CUX1: variants seen among roughly 807,000 people sequenced by gnomAD.
CUX1 encodes protein CASP.
In CUX1, 31 loss-of-function variants were observed where a neutral mutation model predicts 158.8. The ratio of observed to expected loss-of-function variants is 0.20; its 90% confidence interval spans 0.15 to 0.26. CUX1 has a LOEUF of 0.26. CUX1 is among the 10% of genes least tolerant of loss of function. CUX1 has a pLI of 1.00. For synonymous variants in CUX1, 879 were observed against 862.1 expected (o/e 1.02, Z -0.34); for missense variants, 1,589 against 2,014.6 (o/e 0.79, Z 4.04).
intron 8 of CUX1, among the ~76,000 whole-genome samples, chr7:102,140,936 G>C (rs971369433): frequency 4.0e-5 from 6 of 151,578 alleles, no homozygotes; most frequent in African/African-American, 1.5e-4. Flanking sequence ...ACTTCTTGTT[G>C]CAATTAACCT....
chr7:102,157,124 G>A (rs532721830), intron 8 of CUX1, among the ~76,000 whole-genome samples: 1 of 152,318 alleles, frequency 6.6e-6, no homozygotes, highest in Non-Finnish European at 1.5e-5. Context: ...AGAGCACAGG[G>A]TCCTGAGAAA....
Position 102,252,861 on chromosome 7 carries a change from C to T in CUX1, c.*3819C>T. 1 of 985,456 alleles carries T rather than the reference C, an allele frequency of 1.0e-6. No individual in the cohort carries two copies. The highest frequency in any genetic ancestry group is 1.2e-6 in the Non-Finnish European group (1 of 829,942). The allele number at this position is 985,456 out of a possible 1,614,324, so 61.0% of individuals were successfully genotyped here. On this transcript the variant is annotated 3_prime_UTR_variant, in exon 24 of 24. Transcript: ENST00000292535. ...CCATGGAGCTTAGCTCAATTGGATT[C>T]TTCTAGACGATCTTAGGAGGCATCT...
chr7:102,184,610 G>C (rs1793452023), intron 11 of CUX1, among the ~76,000 whole-genome samples: 1 of 152,178 alleles, frequency 6.6e-6, no homozygotes, highest in Non-Finnish European at 1.5e-5. Flanking sequence ...ACCTGTCTGT[G>C]TAAAGCCCAC....
intron 22 of CUX1, among the ~76,000 whole-genome samples, chr7:102,237,197 CAAGTT>C (rs1799662435): frequency 6.6e-6 from 1 of 152,200 alleles, no homozygotes; most frequent in South Asian, 2.1e-4. Flanking sequence ...GACAAAATGG[CAAGTT>C]AATTAAGGAA....
Position 101,903,186 on chromosome 7 carries a change from A to G in CUX1, c.31-12929A>G, listed in dbSNP as rs577433438. Among the ~76,000 whole-genome samples, 21 of 152,246 alleles carry G rather than the reference A, an allele frequency of 1.4e-4. 1 individual carries two copies. The South Asian group carries it at 3.9e-3, about 29-fold the overall frequency. On this transcript the variant is annotated intron_variant, in intron 1 of 23. Transcript: ENST00000292535. ...GGTCAGCAGCCGGCCAGACCTCAGT[A>G]GCCCCTCCCCATCCTGGTATGGGGG...
chr7:102,177,974 C>A (rs527386804), intron 10 of CUX1, among the ~76,000 whole-genome samples: 14 of 152,268 alleles, frequency 9.2e-5, no homozygotes, highest in African/African-American at 2.6e-4. Context: ...CTCAGCGCAA[C>A]CTTCTTCTCC....
At chr7:102,111,046 G>T (rs906139569) in intron 6 of CUX1, among the ~76,000 whole-genome samples, 7 of 151,814 alleles carry the variant, frequency 4.6e-5, no homozygotes, top group Non-Finnish European at 4.4e-5. Context: ...TTATTATTAT[G>T]AGAGCATATG....
intron 1 of CUX1, among the ~76,000 whole-genome samples, chr7:101,906,780 G>T (rs73403646): frequency 0.019 from 2,905 of 152,220 alleles, 92 homozygotes; most frequent in African/African-American, 0.065. Context: ...TGCGAGCCTA[G>T]GCCTGTATGG....
intron 1 of CUX1, among the ~76,000 whole-genome samples, chr7:101,891,714 G>C (rs185397432): frequency 6.6e-6 from 1 of 152,302 alleles, no homozygotes; most frequent in East Asian, 1.9e-4. Flanking sequence ...AATAGGGAAG[G>C]GTTCATGGAG....
At chr7:102,021,821 G>A (rs1298950137) in intron 2 of CUX1, among the ~76,000 whole-genome samples, 3 of 151,972 alleles carry the variant, frequency 2.0e-5, no homozygotes, top group Admixed American at 6.6e-5. Context: ...TCAGCCTCTC[G>A]AAGTGCTGGG....
At chr7:102,273,401 G>T in exon 15 of CUX1, 1 of 1,612,378 alleles carries the variant, frequency 6.2e-7, no homozygotes, top group South Asian at 1.1e-5. Flanking sequence ...TATCACTGAG[G>T]CTGTGGCCAC....
intron 10 of CUX1, among the ~76,000 whole-genome samples, chr7:102,172,962 G>A (rs148451786): frequency 4.8e-4 from 73 of 150,964 alleles, no homozygotes; most frequent in African/African-American, 1.6e-3. Flanking sequence ...TCAGGAGGCC[G>A]AGGCAGGAGA....
rs557879233 is a variant in CUX1 at position 101,877,904 on chromosome 7, T to C, written c.31-38211T>C. On this transcript the variant is annotated intron_variant, in intron 1 of 23. Coordinates refer to ENST00000292535, the MANE Select transcript of CUX1 (RefSeq NM_181552.4). ...TGGGTTGCTTCCTTGAAGAATGTTG[T>C]GCGTACACCGTTTGACACAGGTGCA... 2.6e-5 allele frequency among the ~76,000 whole-genome samples: 4 copies of C among 152,270 alleles called. No homozygotes were observed. In the East Asian group the frequency reaches 7.7e-4, roughly 29 times the overall value.
chr7:102,184,966 A>G (rs1793480199), intron 11 of CUX1, among the ~76,000 whole-genome samples: 1 of 152,164 alleles, frequency 6.6e-6, no homozygotes, highest in South Asian at 2.1e-4. Context: ...ATTTTTCAGG[A>G]AGATGACCAG....
chr7:101,956,658 T>C (rs1329494718), intron 2 of CUX1, among the ~76,000 whole-genome samples: 2 of 152,142 alleles, frequency 1.3e-5, no homozygotes, highest in Non-Finnish European at 2.9e-5. Flanking sequence ...GAAATACAGT[T>C]AAAGCCGCCT....
rs558138039 is a variant in CUX1 at position 101,880,303 on chromosome 7, G to A, written c.31-35812G>A. 7.2e-5 allele frequency among the ~76,000 whole-genome samples: 11 copies of A among 152,284 alleles called. No homozygotes were observed. The East Asian group carries it at 1.9e-3, about 27-fold the overall frequency. On this transcript the variant is annotated intron_variant, in intron 1 of 23. Coordinates refer to ENST00000292535, the MANE Select transcript of CUX1 (RefSeq NM_181552.4). Reference sequence around the variant, plus strand: ...CTCGTTGGCAATTTCGGAAGTTCACGTTCTTGAGACTCGGTGCCTTTGGAA... The same window carrying A: ...CTCGTTGGCAATTTCGGAAGTTCACATTCTTGAGACTCGGTGCCTTTGGAA...
At chr7:101,872,060 T>C (rs2131466093) in intron 1 of CUX1, among the ~76,000 whole-genome samples, 1 of 152,140 alleles carries the variant, frequency 6.6e-6, no homozygotes, top group African/African-American at 2.4e-5. Flanking sequence ...GCAGCGTGAT[T>C]CTGTGAGTTC....
chr7:102,016,678 A>T (rs575446463), intron 2 of CUX1, among the ~76,000 whole-genome samples: 1 of 152,080 alleles, frequency 6.6e-6, no homozygotes, highest in Non-Finnish European at 1.5e-5. Flanking sequence ...TCTCATAAGT[A>T]CTCCCCTGGT....
intron 11 of CUX1, among the ~76,000 whole-genome samples, chr7:102,179,800 C>T (rs1554513389): frequency 6.6e-6 from 1 of 152,230 alleles, no homozygotes. Flanking sequence ...GCTTCAGCCC[C>T]AGGCCAGGGG....
Sources: gnomAD v4.1 joint callset for allele counts (sites outside exome capture counted in the v4.1 genomes callset) on GRCh38, gnomAD v4.1.1 for gene constraint, MANE v1.5 for transcripts, NCBI Gene and HGNC (gene_info 2026-07-23, HGNC 2026-07-21) for gene names.